The following UPP2 variants were observed in gnomAD, a reference collection of about 807,000 sequenced individuals.
UPP2 encodes uridine phosphorylase 2.
UPP2 carries 23 observed loss-of-function variants against 26.7 expected under a neutral mutation model. The ratio of observed to expected loss-of-function variants is 0.86; its 90% confidence interval spans 0.62 to 1.22. The LOEUF (loss-of-function observed/expected upper bound fraction) is 1.22, where lower values mean the gene tolerates loss of function less well. Among genes scored for constraint, UPP2 ranks in the 50% most tolerant of loss-of-function variants. The probability of loss-of-function intolerance (pLI) is 0.00; values close to 1 mark genes in which losing one functional copy is unlikely to be tolerated. For synonymous variants in UPP2, 127 were observed against 141.3 expected (o/e 0.90, Z 0.72); for missense variants, 387 against 396.7 (o/e 0.98, Z 0.21).
rs776322984 is a variant in UPP2 at position 158,115,270 on chromosome 2, A to G, written c.339+11A>G. 6.3e-7 allele frequency: 1 copy of G among 1,589,794 alleles called. No homozygotes were observed. Among genetic ancestry groups the G allele is most frequent in the Non-Finnish European group, 8.6e-7 (1 of 1,168,532 alleles). On this transcript the variant is annotated intron_variant, in intron 3 of 6. Coordinates refer to ENST00000005756, the MANE Select transcript of UPP2 (RefSeq NM_173355.4). ...GTGCTCGCCATCAGTGTAAGTATCC[A>G]TGGTTGCATTTCAGCTAGTCATTGC...
chr2:158,099,881 C>T (rs143419213), upstream of UPP2, among the ~76,000 whole-genome samples: 497 of 152,206 alleles, frequency 3.3e-3, no homozygotes, highest in Non-Finnish European at 5.3e-3. Context: ...GATGCAAGAC[C>T]CTCCTGATCA....
intron 2 of UPP2, among the ~76,000 whole-genome samples, chr2:158,006,748 C>A (rs538323924): frequency 2.0e-5 from 3 of 152,298 alleles, no homozygotes; most frequent in South Asian, 2.1e-4. Flanking sequence ...CTCGAGGAAG[C>A]CTTTCAATGG....
chr2:158,040,408 A>T (rs906547595), intron 3 of UPP2, among the ~76,000 whole-genome samples: 4 of 152,264 alleles, frequency 2.6e-5, no homozygotes, highest in Non-Finnish European at 5.9e-5. Context: ...AGAAGCCAGA[A>T]ATAAAAATCC....
chr2:158,120,392 G>A (rs200091064), intron 4 of UPP2, among the ~76,000 whole-genome samples: 1 of 151,952 alleles, frequency 6.6e-6, no homozygotes, highest in Non-Finnish European at 1.5e-5. Flanking sequence ...CCATAGGCTT[G>A]CGGAGCTATA....
intron 3 of UPP2, among the ~76,000 whole-genome samples, chr2:158,076,849 G>T (rs1310850175): frequency 6.6e-6 from 1 of 151,988 alleles, no homozygotes; most frequent in Non-Finnish European, 1.5e-5. Context: ...GATATAAAGG[G>T]CATCCAAATT....
intron 1 of UPP2, among the ~76,000 whole-genome samples, 173 bp from the exon 2 acceptor site, chr2:158,105,926 A>G (rs1427176639): frequency 6.6e-6 from 1 of 152,236 alleles, no homozygotes; most frequent in Admixed American, 6.5e-5. Context: ...TTTCATGCTC[A>G]GTGCTATGCT....
intron 3 of UPP2, among the ~76,000 whole-genome samples, chr2:158,084,297 A>G (rs13431709): frequency 6.6e-6 from 1 of 151,992 alleles, no homozygotes; most frequent in Non-Finnish European, 1.5e-5. Context: ...TGCCATTTGT[A>G]TACCTTCTTG....
intron 3 of UPP2, among the ~76,000 whole-genome samples, chr2:158,041,453 T>C (rs1298830870): frequency 7.0e-6 from 1 of 143,264 alleles, no homozygotes; most frequent in Admixed American, 6.8e-5. Context: ...AGGACTTCAC[T>C]CATTTCCCCG....
chr2:158,115,060 C>T, intron 2 of UPP2, 41 bp from the exon 3 acceptor site: 3 of 1,536,058 alleles, frequency 2.0e-6, no homozygotes, highest in Non-Finnish European at 2.6e-6. Flanking sequence ...TGGTTCTTAT[C>T]CCAGTTACTA....
At chr2:157,995,241 G>A (rs780116084) in exon 2 of UPP2, 17 of 1,613,610 alleles carry the variant, frequency 1.1e-5, no homozygotes, top group Admixed American at 3.3e-5. Flanking sequence ...CCAAGAAGTG[G>A]TGAGGACAAG....
At chr2:158,102,508 T>C (rs142256584) in intron 1 of UPP2, among the ~76,000 whole-genome samples, 1 of 152,314 alleles carries the variant, frequency 6.6e-6, no homozygotes, top group East Asian at 1.9e-4. Flanking sequence ...TCCCAGTGCC[T>C]GAGGGAGGTT....
At chr2:158,024,510 C>T (rs928871966) in intron 3 of UPP2, among the ~76,000 whole-genome samples, 4 of 152,188 alleles carry the variant, frequency 2.6e-5, no homozygotes, top group African/African-American at 7.2e-5. Flanking sequence ...TGGCCACCTT[C>T]GGCGTCAATT....
At chr2:158,024,972 C>T (rs535681151) in intron 3 of UPP2, among the ~76,000 whole-genome samples, 5 of 152,118 alleles carry the variant, frequency 3.3e-5, no homozygotes, top group African/African-American at 4.8e-5. Context: ...GAGGCCAAGG[C>T]GGGTGAATCA....
At chr2:158,005,411 C>T (rs1310194114) in intron 2 of UPP2, among the ~76,000 whole-genome samples, 1 of 152,104 alleles carries the variant, frequency 6.6e-6, no homozygotes, top group Admixed American at 6.6e-5. Flanking sequence ...AGGGGATTCT[C>T]AGGTTGCTGG....
chr2:158,018,065 G>T (rs1292025034), intron 3 of UPP2, among the ~76,000 whole-genome samples: 7 of 152,138 alleles, frequency 4.6e-5, no homozygotes, highest in Admixed American at 1.3e-4. Flanking sequence ...CACTGACTTA[G>T]GCATTTCTTC....
chr2:158,025,451 G>T (rs1056862986), intron 3 of UPP2, among the ~76,000 whole-genome samples: 1 of 152,164 alleles, frequency 6.6e-6, no homozygotes, highest in Non-Finnish European at 1.5e-5. Context: ...AGCTACAGGG[G>T]AGGGAAGCCA....
chr2:158,054,717 CATAA>C (rs1476191393), intron 3 of UPP2, among the ~76,000 whole-genome samples: 1 of 152,200 alleles, frequency 6.6e-6, no homozygotes, highest in African/African-American at 2.4e-5. Flanking sequence ...TTCTCATCCC[CATAA>C]ATAGTCAATG....
intron 3 of UPP2, among the ~76,000 whole-genome samples, chr2:158,059,252 C>T (rs1409397894): frequency 6.6e-6 from 1 of 152,246 alleles, no homozygotes; most frequent in Non-Finnish European, 1.5e-5. Flanking sequence ...TCCGAACTTA[C>T]AGACCTTGCT....
intron 3 of UPP2, among the ~76,000 whole-genome samples, chr2:158,024,379 A>T (rs532869872): frequency 1.3e-5 from 2 of 152,296 alleles, no homozygotes; most frequent in South Asian, 4.1e-4. Flanking sequence ...GAGGAGCAGG[A>T]TTGGGATGTA....
Sources: gnomAD v4.1 joint callset for allele counts (sites outside exome capture counted in the v4.1 genomes callset) on GRCh38, gnomAD v4.1.1 for gene constraint, MANE v1.5 for transcripts, NCBI Gene and HGNC (gene_info 2026-07-23, HGNC 2026-07-21) for gene names.